Variants in CKAP5 observed in about 807,000 individuals in gnomAD.
CKAP5 encodes the protein cytoskeleton-associated protein 5.
A neutral mutation model predicts 232.8 loss-of-function variants in CKAP5; 27 were observed. That is an observed-to-expected ratio of 0.12 (90% CI 0.09 to 0.16). CKAP5 has a LOEUF of 0.16. Among genes scored for constraint, CKAP5 ranks in the 10% least tolerant of loss-of-function variants. CKAP5 has a pLI of 1.00. For missense variants in CKAP5, 1,838 were observed against 2,424.7 expected, an observed-to-expected ratio of 0.76 and a Z score of 5.08; for synonymous variants, 785 against 841.1, an observed-to-expected ratio of 0.93 and a Z score of 1.16.
At chr11:46,801,071 A>T in intron 9 of CKAP5, 129 bp downstream of exon 9, 1 of 567,642 alleles carries the variant, frequency 1.8e-6, no homozygotes, top group South Asian at 2.4e-5. Context: ...TTAACAAAAC[A>T]GAGAGAAATT....
intron 20 of CKAP5, among the ~76,000 whole-genome samples, 189 bp from the exon 21 acceptor site, chr11:46,778,788 T>G (rs2065313649): frequency 6.6e-6 from 1 of 152,172 alleles, no homozygotes; most frequent in African/African-American, 2.4e-5. Flanking sequence ...CAAAACCTAC[T>G]AGAAGGCAGG....
chr11:46,763,725 T>C, intron 28 of CKAP5, 95 bp from the exon 29 acceptor site: 1 of 783,958 alleles, frequency 1.3e-6, no homozygotes, highest in South Asian at 5.3e-5. Context: ...CAATAAAATA[T>C]TTAAAAATTC....
rs1285649120 is a variant in CKAP5, at chr11:46,770,909, T to G, written c.3065A>C (p.His1022Pro). 1 of 1,613,996 alleles carries G rather than the reference T, an allele frequency of 6.2e-7. No individual in the cohort carries two copies. The highest frequency in any genetic ancestry group is 1.3e-5 in the African/African-American group (1 of 74,888). Residue 1022 changes from histidine to proline, a missense_variant, in exon 25 of 44, where the codon CAT becomes CCT. Transcript: ENST00000529230. ...TPTDLILCVPHLYSCLEDRNG... is the reference protein window; with the variant it reads ...TPTDLILCVPPLYSCLEDRNG... The stretch of plus-strand genomic sequence containing the variant: ...TCGATCTTCTAGGCAGGAGTAGAGA[T>G]GAGGAACACAAAGGATAAGGTCTGT...
chr11:46,805,825 T>C (rs1397664930), intron 8 of CKAP5, among the ~76,000 whole-genome samples: 1 of 152,078 alleles, frequency 6.6e-6, no homozygotes, highest in Non-Finnish European at 1.5e-5. Context: ...AAATCCCAGC[T>C]ATTTGGGAGG....
chr11:46,816,463 C>A, intron 3 of CKAP5, 59 bp from the exon 4 acceptor site: 1 of 1,357,188 alleles, frequency 7.4e-7, no homozygotes, highest in Non-Finnish European at 1.1e-6. Context: ...GGAAAAAGGT[C>A]ACGGAAAGGG....
At position 46,751,051 on chromosome 11, in the gene CKAP5, A is replaced by G. The variant is rs898526980; in HGVS notation, c.5460+67T>C. 2.5e-6 allele frequency: 4 copies of G among 1,588,490 alleles called. No homozygotes were observed. In the East Asian group the frequency reaches 6.7e-5, roughly 27 times the overall value. ...TTCGGAAAGCATATCCTGGTGACCT[A>G]CACCTTAGATAAGATCACTTCCGGT... On this transcript the variant is annotated intron_variant, in intron 40 of 43. Coordinates refer to ENST00000529230, the MANE Select transcript of CKAP5 (RefSeq NM_001008938.4).
chr11:46,759,220 G>C, intron 34 of CKAP5, 49 bp downstream of exon 34: 1 of 1,563,368 alleles, frequency 6.4e-7, no homozygotes, highest in Non-Finnish European at 8.7e-7. Flanking sequence ...CACGTAGGCC[G>C]TCTGATCATC....
intron 35 of CKAP5, 151 bp from the exon 36 acceptor site, chr11:46,755,218 A>G (rs1030972948): frequency 9.1e-5 from 57 of 625,312 alleles, no homozygotes; most frequent in Non-Finnish European, 1.3e-4. Flanking sequence ...TATTTATTTT[A>G]TTCATTTATT....
At chr11:46,846,113 GC>G (rs1366549419) in intron 1 of CKAP5, 106 bp downstream of exon 1, 1 of 151,874 alleles carries the variant, frequency 6.6e-6, no homozygotes, top group Non-Finnish European at 1.5e-5. Context: ...GGCAAGTGGG[GC>G]GCGCGTCTGG....
chr11:46,796,011 A>G (rs569174443), intron 12 of CKAP5, among the ~76,000 whole-genome samples: 1 of 152,066 alleles, frequency 6.6e-6, no homozygotes, highest in African/African-American at 2.4e-5. Context: ...TAAAAATAAA[A>G]AAGTTTAGCC....
chr11:46,763,206 C>A, intron 29 of CKAP5, 27 bp from the exon 30 acceptor site: 1 of 1,489,442 alleles, frequency 6.7e-7, no homozygotes, highest in South Asian at 1.2e-5. Context: ...ACAAAACTCC[C>A]ACAAATAAGA....
intron 18 of CKAP5, among the ~76,000 whole-genome samples, chr11:46,781,303 C>T (rs980834567): frequency 3.3e-5 from 5 of 152,354 alleles, no homozygotes; most frequent in Admixed American, 2.6e-4. Context: ...TCCACTTCTA[C>T]AATCTATGTC....
chr11:46,792,125 C>T (rs1368359420), intron 13 of CKAP5, among the ~76,000 whole-genome samples: 1 of 152,180 alleles, frequency 6.6e-6, no homozygotes, highest in Non-Finnish European at 1.5e-5. Flanking sequence ...ATTCTGTACT[C>T]TTTGATTAAC....
At chr11:46,845,308 G>C (rs1414383833) in intron 1 of CKAP5, among the ~76,000 whole-genome samples, 1 of 152,134 alleles carries the variant, frequency 6.6e-6, no homozygotes, top group African/African-American at 2.4e-5. Context: ...AATTAAATTA[G>C]AGCCACGCAT....
At chr11:46,766,890 T>C (rs1180526184) in intron 27 of CKAP5, among the ~76,000 whole-genome samples, 3 of 152,212 alleles carry the variant, frequency 2.0e-5, no homozygotes, top group Non-Finnish European at 2.9e-5. Flanking sequence ...ACAAAAGATA[T>C]TTCCCTGCAG....
rs1565746997 is a variant in CKAP5 at position 46,809,773 on chromosome 11, T to C, written c.732A>G (p.Gln244=). ...CAGCATCTCCACCAGCAGACTGTTG[T>C]TGTTCCAATTTAGCTTCTAGTTCTT... is the stretch of plus-strand genomic sequence containing the variant. ...SQQELEAKLE[Q]QQSAGGDAEG... The change falls in exon 6 of 44, where the codon CAA becomes CAG. Residue 244 remains glutamine, a synonymous_variant. Transcript: ENST00000529230. The C allele has an allele frequency of 6.2e-7, 1 of 1,614,166 alleles. No homozygotes were observed. The highest frequency in any genetic ancestry group is 1.1e-5 in the South Asian group (1 of 91,066).
intron 16 of CKAP5, 72 bp from the exon 17 acceptor site, chr11:46,784,745 A>G: frequency 1.8e-6 from 2 of 1,116,468 alleles, no homozygotes; most frequent in Non-Finnish European, 2.6e-6. Context: ...TATTAACAGC[A>G]TGTAACAGAT....
At chr11:46,839,262 G>A (rs1483660893) in intron 1 of CKAP5, among the ~76,000 whole-genome samples, 1 of 152,164 alleles carries the variant, frequency 6.6e-6, no homozygotes, top group South Asian at 2.1e-4. Flanking sequence ...GCTGGGGGTA[G>A]GGGTAGAGTG....
chr11:46,797,704 C>A (rs748001889), intron 11 of CKAP5, 101 bp downstream of exon 11: 276 of 1,192,518 alleles, frequency 2.3e-4, no homozygotes, highest in Non-Finnish European at 3.1e-4. Context: ...AAGATCATAA[C>A]CTCTATAGTC....
Sources: allele counts gnomAD v4.1 joint callset (sites outside exome capture counted in the v4.1 genomes callset), GRCh38; gene constraint gnomAD v4.1.1; transcripts MANE v1.5; gene names NCBI Gene and HGNC (gene_info 2026-07-23, HGNC 2026-07-21).